The following RUNX1T1 variants were observed in gnomAD, a reference collection of about 807,000 sequenced individuals.
RUNX1T1 encodes the protein RUNX1 partner transcriptional co-repressor 1, also known as protein CBFA2T1.
In RUNX1T1, 4 loss-of-function variants were observed where a neutral mutation model predicts 62.8. That is an observed-to-expected ratio of 0.06 (90% CI 0.03 to 0.15). The LOEUF is 0.15. Ranked by LOEUF, RUNX1T1 falls within the 10% of genes least tolerant of loss-of-function variation. The pLI is 1.00. For missense variants in RUNX1T1, 508 were observed against 754.3 expected, an observed-to-expected ratio of 0.67 and a Z score of 3.82; for synonymous variants, 291 against 286.0, an observed-to-expected ratio of 1.02 and a Z score of -0.18.
chr8:92,051,699 C>T (rs1587330850), intron 1 of RUNX1T1, among the ~76,000 whole-genome samples: 1 of 151,734 alleles, frequency 6.6e-6, no homozygotes, highest in East Asian at 1.9e-4. Context: ...AAGATATAAA[C>T]ATCATTGAAA....
chr8:91,985,233 T>C (rs769391307), intron 8 of RUNX1T1, among the ~76,000 whole-genome samples: 2 of 152,176 alleles, frequency 1.3e-5, no homozygotes, highest in African/African-American at 4.8e-5. Context: ...CTTCGTAAGT[T>C]TACTCAAAAA....
At chr8:92,034,670 A>G (rs545225126) in intron 1 of RUNX1T1, among the ~76,000 whole-genome samples, 133 of 148,964 alleles carry the variant, frequency 8.9e-4, no homozygotes, top group Admixed American at 1.5e-3. Flanking sequence ...GCATATATAT[A>G]TGTGTGTGTG....
intron 1 of RUNX1T1, among the ~76,000 whole-genome samples, chr8:92,083,413 A>C (rs1039429000): frequency 6.6e-6 from 1 of 152,222 alleles, no homozygotes; most frequent in Non-Finnish European, 1.5e-5. Flanking sequence ...AGAAAAAAAC[A>C]ACCCCATCAA....
At chr8:92,060,553 ATGTGTG>A (rs1271953758) in intron 1 of RUNX1T1, among the ~76,000 whole-genome samples, 19 of 63,948 alleles carry the variant, frequency 3.0e-4, no homozygotes, top group African/African-American at 4.6e-4. Flanking sequence ...ATATATATAT[ATGTGTG>A]TGTGTGTGTG....
intron 10 of RUNX1T1, among the ~76,000 whole-genome samples, chr8:91,966,361 T>C (rs1263846045): frequency 6.6e-6 from 1 of 152,032 alleles, no homozygotes; most frequent in Admixed American, 6.6e-5. Flanking sequence ...CTGAGGTTGG[T>C]ATAACTGTGC....
intron 10 of RUNX1T1, among the ~76,000 whole-genome samples, chr8:91,968,580 C>G (rs1259550831): frequency 1.3e-5 from 2 of 152,092 alleles, no homozygotes; most frequent in African/African-American, 4.8e-5. Flanking sequence ...GAGGCTTAAT[C>G]CTTCTAGAGA....
At chr8:92,032,657 G>A (rs1464868547) in intron 1 of RUNX1T1, among the ~76,000 whole-genome samples, 2 of 152,146 alleles carry the variant, frequency 1.3e-5, no homozygotes, top group Non-Finnish European at 2.9e-5. Flanking sequence ...GCTCAATTCT[G>A]TAAACCCAGT....
exon 11 of RUNX1T1, chr8:91,960,506 A>G: frequency 6.2e-7 from 1 of 1,614,094 alleles, no homozygotes; most frequent in Non-Finnish European, 8.5e-7. Context: ...TACGGCCACA[A>G]TTCCAGCAAC....
chr8:91,969,190 G>C (rs1812259439), intron 10 of RUNX1T1, among the ~76,000 whole-genome samples: 1 of 152,128 alleles, frequency 6.6e-6, no homozygotes, highest in Non-Finnish European at 1.5e-5. Flanking sequence ...CTAAATATTG[G>C]TGTCAAGATC....
intron 1 of RUNX1T1, among the ~76,000 whole-genome samples, chr8:92,023,888 A>C (rs975888496): frequency 6.6e-6 from 1 of 152,210 alleles, no homozygotes. Context: ...AGGCAGTATC[A>C]GTCCTTCTCC....
intron 1 of RUNX1T1, among the ~76,000 whole-genome samples, chr8:92,039,801 C>G (rs780048452): frequency 4.6e-5 from 7 of 152,328 alleles, no homozygotes; most frequent in Admixed American, 1.3e-4. Context: ...TCCATACCAA[C>G]TGATCATTGG....
intron 10 of RUNX1T1, 62 bp downstream of exon 11, chr8:91,970,596 G>A (rs1398645887): frequency 1.2e-5 from 17 of 1,369,898 alleles, no homozygotes; most frequent in Non-Finnish European, 1.6e-5. Context: ...CTTGAATGAA[G>A]AATGAGCACT....
intron 1 of RUNX1T1, among the ~76,000 whole-genome samples, chr8:92,021,527 A>T (rs1185067888): frequency 6.6e-6 from 1 of 152,148 alleles, no homozygotes; most frequent in Non-Finnish European, 1.5e-5. Context: ...GAATCATGAA[A>T]TGACACAGTG....
chr8:92,038,484 C>A (rs1827833233), intron 1 of RUNX1T1, among the ~76,000 whole-genome samples: 1 of 151,880 alleles, frequency 6.6e-6, no homozygotes, highest in Non-Finnish European at 1.5e-5. Flanking sequence ...ATGCTGTGGT[C>A]AAGGTTAGAT....
intron 1 of RUNX1T1, among the ~76,000 whole-genome samples, chr8:92,084,481 G>A (rs1696605781): frequency 6.6e-6 from 1 of 152,152 alleles, no homozygotes; most frequent in South Asian, 2.1e-4. Flanking sequence ...TTTCACTTTA[G>A]TCTCAGCAGT....
intron 1 of RUNX1T1, among the ~76,000 whole-genome samples, chr8:92,045,709 A>G (rs1829271769): frequency 2.0e-5 from 3 of 151,954 alleles, no homozygotes; most frequent in Non-Finnish European, 4.4e-5. Context: ...CAATCCTTCA[A>G]TCTCCTTCTA....
intron 4 of RUNX1T1, among the ~76,000 whole-genome samples, chr8:92,008,895 C>T (rs765007028): frequency 6.6e-6 from 1 of 152,134 alleles, no homozygotes; most frequent in Admixed American, 6.5e-5. Flanking sequence ...TCATTGATGT[C>T]TAAAAATTAA....
At chr8:92,051,600 ACACTCTCT>A (rs1242740206) in intron 1 of RUNX1T1, among the ~76,000 whole-genome samples, 1 of 145,366 alleles carries the variant, frequency 6.9e-6, no homozygotes, top group African/African-American at 2.6e-5. Context: ...ACACACACAC[ACACTCTCT>A]CTCTCTCTCT....
chr8:92,037,330 T>C (rs1827611042), intron 1 of RUNX1T1, among the ~76,000 whole-genome samples: 1 of 152,170 alleles, frequency 6.6e-6, no homozygotes, highest in South Asian at 2.1e-4. Context: ...AAATACATAG[T>C]AGGTATTCAG....
Sources: allele counts gnomAD v4.1 joint callset (sites outside exome capture counted in the v4.1 genomes callset), GRCh38; gene constraint gnomAD v4.1.1; transcripts MANE v1.5; gene names NCBI Gene and HGNC (gene_info 2026-07-23, HGNC 2026-07-21).